Variants in SAMHD1 observed in about 807,000 individuals in gnomAD.
The protein encoded by SAMHD1 is SAM and HD domain containing deoxynucleoside triphosphate triphosphohydrolase 1, also known as deoxynucleoside triphosphate triphosphohydrolase SAMHD1.
A neutral mutation model predicts 79.6 loss-of-function variants in SAMHD1; 54 were observed. The ratio of observed to expected loss-of-function variants is 0.68; its 90% confidence interval spans 0.55 to 0.85. SAMHD1 has a LOEUF of 0.85. Ranked by LOEUF, SAMHD1 falls within the 40% of genes least tolerant of loss-of-function variation. The pLI is 0.00. For synonymous variants in SAMHD1, 260 were observed against 264.1 expected, an observed-to-expected ratio of 0.98 and a Z score of 0.15; for missense variants, 663 against 782.7, an observed-to-expected ratio of 0.85 and a Z score of 1.82.
rs1335872646 is a variant in SAMHD1 at position 36,940,188 on chromosome 20, C to G, written c.348+851G>C. On this transcript the variant is annotated intron_variant, in intron 3 of 15. Transcript: ENST00000646673. ...TGCCACTGAGCCCCAACCTGGGTGA[C>G]AGAGAGAGATTACATCTCAAAAAGA... 3.3e-5 allele frequency: 4 copies of G among 120,660 alleles called. No homozygotes were observed. In the East Asian group the frequency reaches 9.4e-4, roughly 28 times the overall value. The allele number at this position is 120,660 out of a possible 1,614,324, so 7.5% of individuals were successfully genotyped here. A position where few individuals can be genotyped will look rare whatever the true frequency, so the allele number is the denominator to read the frequency against.
In SAMHD1 at chr20:36,912,690, T is replaced by C. The variant is rs892639625; in HGVS notation, c.1063-138A>G. 3.3e-5 allele frequency: 21 copies of C among 635,022 alleles called. 1 individual carries two copies. In the Admixed American group the frequency reaches 5.1e-4, roughly 15 times the overall value. The allele number at this position is 635,022 out of a possible 1,614,324, so 39.3% of individuals were successfully genotyped here. A position where few individuals can be genotyped will look rare whatever the true frequency, so the allele number is the denominator to read the frequency against. On this transcript the variant is annotated intron_variant, in intron 9 of 15. Transcript: ENST00000646673. ...CACCGGGGCTTCTTCATTAACACCT[T>C]TGACCCCACTAAAAAATGAGGAGGC... is the stretch of plus-strand genomic sequence containing the variant.
intron 6 of SAMHD1, among the ~76,000 whole-genome samples, chr20:36,921,519 T>A (rs1048248055): frequency 6.6e-6 from 1 of 151,920 alleles, no homozygotes; most frequent in Non-Finnish European, 1.5e-5. Flanking sequence ...TTAATATCAT[T>A]GGTATTGGCT....
At chr20:36,941,831 T>C (rs1019245637) in intron 2 of SAMHD1, among the ~76,000 whole-genome samples, 1 of 152,150 alleles carries the variant, frequency 6.6e-6, no homozygotes, top group African/African-American at 2.4e-5. Flanking sequence ...ACTGAACCCA[T>C]GGTAATAAGA....
intron 11 of SAMHD1, among the ~76,000 whole-genome samples, chr20:36,907,272 G>A (rs1365170576): frequency 6.6e-6 from 1 of 150,654 alleles, no homozygotes; most frequent in Non-Finnish European, 1.5e-5. Flanking sequence ...TTTTTTGTTT[G>A]TTTTTGAGAC....
intron 15 of SAMHD1, chr20:36,894,106 G>A: frequency 2.5e-6 from 1 of 396,374 alleles, no homozygotes; most frequent in Non-Finnish European, 4.4e-6. Flanking sequence ...GCTTCCTGCT[G>A]TTGAATCACT....
At chr20:36,926,126 G>A (rs756619632) in intron 6 of SAMHD1, among the ~76,000 whole-genome samples, 3 of 151,422 alleles carry the variant, frequency 2.0e-5, no homozygotes, top group South Asian at 2.1e-4. Flanking sequence ...AATCTTGTAC[G>A]ATAATATGCA....
rs374874167 is a variant in SAMHD1, at chr20:36,924,672, A to G, written c.696+2510T>C. Among the ~76,000 whole-genome samples the G allele has an allele frequency of 8.5e-5, 13 of 152,292 alleles. No individual in the cohort carries two copies. In the South Asian group the frequency reaches 2.3e-3, roughly 27 times the overall value. On this transcript the variant is annotated intron_variant, in intron 6 of 15. Coordinates refer to ENST00000646673, the MANE Select transcript of SAMHD1 (RefSeq NM_015474.4). ...GTGACATGATTGCTGTTCTATTTCA[A>G]TGCCTCTCTGGGCCTGATAATGTAA... is the stretch of plus-strand genomic sequence containing the variant.
At chr20:36,932,352 CAAAAAAAA>C (rs71186091) in intron 4 of SAMHD1, among the ~76,000 whole-genome samples, 1 of 34,180 alleles carries the variant, frequency 2.9e-5, no homozygotes, top group Non-Finnish European at 4.8e-5. Context: ...ACTCCGTCTC[CAAAAAAAA>C]AAAAAAAAAA....
At chr20:36,918,821 A>G (rs1174150448) in intron 7 of SAMHD1, among the ~76,000 whole-genome samples, 133 of 147,680 alleles carry the variant, frequency 9.0e-4, no homozygotes, top group Non-Finnish European at 1.1e-3. Context: ...AAAAAAAAAA[A>G]AAAGAAAGAA....
chr20:36,943,849 G>A (rs2063664168), intron 2 of SAMHD1, among the ~76,000 whole-genome samples: 2 of 152,130 alleles, frequency 1.3e-5, no homozygotes, highest in Non-Finnish European at 2.9e-5. Flanking sequence ...GGAGGCTGAG[G>A]CAGGCAGATC....
At chr20:36,922,257 A>G (rs894650280) in intron 6 of SAMHD1, among the ~76,000 whole-genome samples, 6 of 152,224 alleles carry the variant, frequency 3.9e-5, no homozygotes, top group Admixed American at 6.5e-5. Context: ...GTAAAATTTG[A>G]AAGTCTGAAT....
intron 11 of SAMHD1, among the ~76,000 whole-genome samples, chr20:36,910,526 TC>T (rs1834706672): frequency 6.6e-6 from 1 of 152,004 alleles, no homozygotes; most frequent in African/African-American, 2.4e-5. Context: ...GGTCAGGAGT[TC>T]GAGAAGACCC....
chr20:36,938,269 C>A (rs575921527), intron 3 of SAMHD1, among the ~76,000 whole-genome samples: 1 of 151,994 alleles, frequency 6.6e-6, no homozygotes. Flanking sequence ...TGGCTGGGCA[C>A]GGTGGCTCAT....
At chr20:36,931,322 C>A (rs2063566650) in intron 4 of SAMHD1, among the ~76,000 whole-genome samples, 1 of 152,054 alleles carries the variant, frequency 6.6e-6, no homozygotes, top group Non-Finnish European at 1.5e-5. Context: ...GGGTATACAC[C>A]CACAATAACG....
At position 36,947,310 on chromosome 20, in the gene SAMHD1, G is replaced by GGTGTGTGTGTGTGTGTGT. The variant is rs35061251; in HGVS notation, c.209-524_209-507dup. ...GCACTCAATACTCTGATTTGGAAGA[G>GGTGTGTGTGTGTGTGTGT]GTGTGTGTGTGTGTGTGTGTGTGTG... is the stretch of plus-strand genomic sequence containing the variant. On this transcript the variant is annotated intron_variant, in intron 1 of 15. Transcript: ENST00000646673. Among the ~76,000 whole-genome samples the GGTGTGTGTGTGTGTGTGT allele has an allele frequency of 1.1e-4, 9 of 85,132 alleles. 1 individual carries two copies. The East Asian group carries it at 1.6e-3, about 15-fold the overall frequency. The allele number at this position is 85,132 out of a possible 152,430, so 55.8% of individuals were successfully genotyped here.
intron 9 of SAMHD1, among the ~76,000 whole-genome samples, chr20:36,913,566 G>A (rs2063457992): frequency 6.7e-6 from 1 of 149,634 alleles, no homozygotes; most frequent in Admixed American, 6.6e-5. Context: ...TCACGCCATT[G>A]CACTCCAGTC....
At chr20:36,925,137 C>T (rs964084171) in intron 6 of SAMHD1, among the ~76,000 whole-genome samples, 1 of 137,886 alleles carries the variant, frequency 7.3e-6, no homozygotes, top group African/African-American at 2.7e-5. Context: ...GCCTGGGCAA[C>T]AGAGTGAGAC....
At chr20:36,924,727 CTTTTCTTCTTTTT>C (rs2063526389) in intron 6 of SAMHD1, among the ~76,000 whole-genome samples, 1 of 151,996 alleles carries the variant, frequency 6.6e-6, no homozygotes. Context: ...ATAAAAATTT[CTTTTCTTCTTTTT>C]TTTTCTTCCC....
intron 5 of SAMHD1, among the ~76,000 whole-genome samples, chr20:36,930,217 C>T (rs1009279119): frequency 5.3e-5 from 8 of 152,058 alleles, no homozygotes; most frequent in East Asian, 1.9e-4. Context: ...ACATGATGGC[C>T]GGGCACGGTG....
Sources: allele counts gnomAD v4.1 joint callset (sites outside exome capture counted in the v4.1 genomes callset), GRCh38; gene constraint gnomAD v4.1.1; transcripts MANE v1.5; gene names NCBI Gene and HGNC (gene_info 2026-07-23, HGNC 2026-07-21).